Variants in TERB1 observed in about 807,000 individuals in gnomAD.
TERB1 encodes the protein telomere repeat binding bouquet formation protein 1, also known as telomere repeats-binding bouquet formation protein 1.
In TERB1, 63 loss-of-function variants were observed where a neutral mutation model predicts 92.3. The ratio of observed to expected loss-of-function variants is 0.68; its 90% confidence interval spans 0.56 to 0.84. TERB1 has a LOEUF of 0.84. TERB1 is among the 40% of genes least tolerant of loss of function. TERB1 has a pLI of 0.00. For missense variants in TERB1, 709 were observed against 843.7 expected (o/e 0.84, Z 1.98); for synonymous variants, 252 against 283.9 (o/e 0.89, Z 1.13).
intron 9 of TERB1, among the ~76,000 whole-genome samples, chr16:66,784,410 C>T (rs1397999731): frequency 6.6e-6 from 1 of 151,706 alleles, no homozygotes; most frequent in Non-Finnish European, 1.5e-5. Flanking sequence ...TGGCTCACTG[C>T]AAGCCCTGCC....
intron 3 of TERB1, among the ~76,000 whole-genome samples, chr16:66,793,845 A>C (rs1371631377): frequency 1.3e-5 from 2 of 152,040 alleles, no homozygotes; most frequent in Non-Finnish European, 2.9e-5. Context: ...TTCAACTGTC[A>C]ATTTGTTTCA....
intron 16 of TERB1, among the ~76,000 whole-genome samples, chr16:66,763,814 T>G (rs2018292892): frequency 6.6e-6 from 1 of 152,188 alleles, no homozygotes; most frequent in Non-Finnish European, 1.5e-5. Context: ...CAGTATAAAG[T>G]TCTCCATCAG....
intron 4 of TERB1, 72 bp downstream of exon 4, chr16:66,790,837 A>T (rs2018820811): frequency 7.1e-7 from 1 of 1,404,412 alleles, no homozygotes; most frequent in Admixed American, 2.1e-5. Context: ...AAGATAAAGA[A>T]CTATGCTTAT....
At chr16:66,758,227 C>G (rs1567463520) in intron 18 of TERB1, 1 of 153,426 alleles carries the variant, frequency 6.5e-6, no homozygotes, top group Admixed American at 6.5e-5. Context: ...TAACACCTAG[C>G]AGGTGCTTAA....
intron 3 of TERB1, among the ~76,000 whole-genome samples, chr16:66,791,847 AAATTCTACC>A (rs1249740504): frequency 1.3e-5 from 2 of 152,148 alleles, no homozygotes; most frequent in Non-Finnish European, 2.9e-5. Flanking sequence ...TTTCATCTGT[AAATTCTACC>A]AAACATTTAA....
chr16:66,758,160 A>G (rs748790632), intron 18 of TERB1: 1 of 152,270 alleles, frequency 6.6e-6, no homozygotes, highest in Non-Finnish European at 1.5e-5. Context: ...GAGCAAATTA[A>G]TATCTAACTT....
intron 9 of TERB1, among the ~76,000 whole-genome samples, chr16:66,781,026 T>A (rs2018626717): frequency 1.3e-5 from 2 of 152,192 alleles, no homozygotes; most frequent in African/African-American, 4.8e-5. Flanking sequence ...AATTTGGATT[T>A]CTCTGATAAC....
At chr16:66,767,871 G>A (rs1163486560) in intron 15 of TERB1, among the ~76,000 whole-genome samples, 8 of 152,168 alleles carry the variant, frequency 5.3e-5, no homozygotes, top group African/African-American at 1.4e-4. Flanking sequence ...GGGATTACAG[G>A]TGCCCACCAC....
chr16:66,770,109 C>T lies in TERB1; in HGVS notation c.1473G>A (p.Met491Ile). The T allele has an allele frequency of 6.4e-7, 1 of 1,552,156 alleles. No individual in the cohort carries two copies. Among genetic ancestry groups the T allele is most frequent in the South Asian group, 1.2e-5 (1 of 84,060 alleles). ...GATTTGCGCTCTTTAACGGTGTCTT[C>T]ATTTGGTCATCATTTGTACATGCTT... ...MSKACTNDDQMKTPLKSANPV... is the reference protein window; with the variant it reads ...MSKACTNDDQIKTPLKSANPV... Residue 491 changes from methionine (M) to isoleucine (I), a missense_variant, in exon 14 of 19, where the codon ATG becomes ATA. Met to Ile is a conservative substitution (Grantham distance 10, BLOSUM62 1). Transcript: ENST00000433154.
chr16:66,785,660 G>A (rs2018716222), intron 9 of TERB1, 126 bp downstream of exon 9: 2 of 951,434 alleles, frequency 2.1e-6, no homozygotes, highest in South Asian at 2.1e-5. Flanking sequence ...ATCTTTAAGA[G>A]TCTAAATACA....
intron 6 of TERB1, among the ~76,000 whole-genome samples, chr16:66,787,333 T>C (rs1184747139): frequency 6.6e-6 from 1 of 151,502 alleles, no homozygotes; most frequent in African/African-American, 2.4e-5. Flanking sequence ...CTCAGTATGT[T>C]ACCTAGGCTG....
At chr16:66,800,779 C>T (rs1036732280) in intron 2 of TERB1, among the ~76,000 whole-genome samples, 198 bp downstream of exon 2, 3 of 152,186 alleles carry the variant, frequency 2.0e-5, no homozygotes, top group African/African-American at 7.2e-5. Context: ...AAATAACAGT[C>T]ATTCAGGTCC....
At chr16:66,757,852 ATG>A (rs2018163150) in intron 18 of TERB1, among the ~76,000 whole-genome samples, 1 of 152,242 alleles carries the variant, frequency 6.6e-6, no homozygotes, top group Admixed American at 6.5e-5. Context: ...ATGGTGATCA[ATG>A]TGAAATGTTA....
In TERB1 at chr16:66,759,190, A is replaced by T; in HGVS notation, c.1881T>A (p.Ala627=). 1 of 1,550,498 alleles carries T rather than the reference A, an allele frequency of 6.4e-7. No individual in the cohort carries two copies. The highest frequency in any genetic ancestry group is 1.4e-5 in the African/African-American group (1 of 73,132). ...TTAGTTCACTTTTATATCTGTCTTC[A>T]GCTTCCACAATGACTTTGTGACGAT... ...QCDRHKVIVE[A]EDRYKSELRK... is the part of the protein sequence containing the mutation. The change falls in exon 17 of 19, where the codon GCT becomes GCA. Residue 627 remains alanine (A), a synonymous_variant. Coordinates refer to ENST00000433154, the MANE Select transcript of TERB1 (RefSeq NM_001136505.2).
At chr16:66,760,130 CAAAAAAAAA>C (rs148772308) in intron 16 of TERB1, among the ~76,000 whole-genome samples, 16 of 23,344 alleles carry the variant, frequency 6.9e-4, no homozygotes, top group African/African-American at 4.1e-3. Context: ...GACTCCATCT[CAAAAAAAAA>C]AAAAAAAAAG....
At chr16:66,764,599 G>C (rs1274233170) in intron 16 of TERB1, among the ~76,000 whole-genome samples, 2 of 152,158 alleles carry the variant, frequency 1.3e-5, no homozygotes, top group Non-Finnish European at 2.9e-5. Flanking sequence ...AGTTGGAGAG[G>C]CTTGAGACAA....
intron 3 of TERB1, among the ~76,000 whole-genome samples, chr16:66,791,891 C>T (rs750944003): frequency 7.2e-5 from 11 of 152,058 alleles, no homozygotes; most frequent in Non-Finnish European, 1.0e-4. Flanking sequence ...AAATTCTACT[C>T]AATTTTTTTC....
At chr16:66,797,248 T>A (rs1597029491) in intron 2 of TERB1, among the ~76,000 whole-genome samples, 1 of 151,312 alleles carries the variant, frequency 6.6e-6, no homozygotes, top group Non-Finnish European at 1.5e-5. Flanking sequence ...TTTTTTTTTT[T>A]TTTGGACAGC....
chr16:66,794,288 C>T (rs570733079), intron 3 of TERB1, among the ~76,000 whole-genome samples: 2 of 152,010 alleles, frequency 1.3e-5, no homozygotes, highest in African/African-American at 4.8e-5. Flanking sequence ...TTTGTATAAA[C>T]GGGATTTTGC....
Sources: allele counts gnomAD v4.1 joint callset (sites outside exome capture counted in the v4.1 genomes callset), GRCh38; gene constraint gnomAD v4.1.1; transcripts MANE v1.5; gene names NCBI Gene and HGNC (gene_info 2026-07-23, HGNC 2026-07-21).